Variants in LRRTM3 observed in about 807,000 individuals in gnomAD.
The protein encoded by LRRTM3 is leucine-rich repeat transmembrane neuronal protein 3.
LRRTM3 carries 24 observed loss-of-function variants against 44.7 expected under a neutral mutation model. That is an observed-to-expected ratio of 0.54 (90% CI 0.39 to 0.76). LRRTM3 has a LOEUF of 0.76. Among genes scored for constraint, LRRTM3 ranks in the 30% least tolerant of loss-of-function variants. LRRTM3 has a pLI of 0.00. For missense variants in LRRTM3, 587 were observed against 702.2 expected, an observed-to-expected ratio of 0.84 and a Z score of 1.85; for synonymous variants, 277 against 278.7, an observed-to-expected ratio of 0.99 and a Z score of 0.06.
rs376385607 is a variant in LRRTM3, at chr10:67,044,628, T to C, written c.1537-52959T>C. ...GTCTTATTCTGATTGACACAGCTCA[T>C]GTTATATTAAGTTTGTGAAATGAAT... is the stretch of plus-strand genomic sequence containing the variant. On this transcript the variant is annotated intron_variant, in intron 2 of 2. Coordinates refer to ENST00000361320, the MANE Select transcript of LRRTM3 (RefSeq NM_178011.5). 5.9e-5 allele frequency among the ~76,000 whole-genome samples: 9 copies of C among 152,352 alleles called. No homozygotes were observed. The East Asian group carries it at 1.4e-3, about 23-fold the overall frequency.
At chr10:67,082,122 T>C (rs1453089068) in intron 2 of LRRTM3, among the ~76,000 whole-genome samples, 1 of 152,226 alleles carries the variant, frequency 6.6e-6, no homozygotes, top group East Asian at 1.9e-4. Flanking sequence ...TTCAATGCTA[T>C]AGAGAGGATT....
intron 2 of LRRTM3, among the ~76,000 whole-genome samples, chr10:66,944,962 C>A (rs1249292974): frequency 6.6e-6 from 1 of 152,132 alleles, no homozygotes; most frequent in Admixed American, 6.6e-5. Context: ...CATGTGCTAT[C>A]ATACAGGCTT....
At position 66,927,983 on chromosome 10, in the gene LRRTM3, A is replaced by G; in HGVS notation, c.1067A>G (p.Lys356Arg). ...GGAGTAAATGTGATCGATGCAGTGA[A>G]GAACTACAGCATCTGTGGCAAAAGT... The part of the protein sequence containing the change: ...LQGVNVIDAV[K>R]NYSICGKSTT... The change falls in exon 2 of 3, where the codon AAG becomes AGG. Residue 356 changes from lysine (K) to arginine (R), a missense_variant. By Grantham distance (26) the Lys-to-Arg change is conservative. Coordinates refer to ENST00000361320, the MANE Select transcript of LRRTM3 (RefSeq NM_178011.5). This position sits in a 1 kb window ranked among gnomAD's most constrained non-coding sequence, Gnocchi z 4.7. 6.2e-7 allele frequency: 1 copy of G among 1,614,224 alleles called. No individual in the cohort carries two copies. The highest frequency in any genetic ancestry group is 1.3e-5 in the African/African-American group (1 of 75,062).
At chr10:67,018,967 G>T (rs1244943499) in intron 2 of LRRTM3, among the ~76,000 whole-genome samples, 1 of 152,178 alleles carries the variant, frequency 6.6e-6, no homozygotes, top group Non-Finnish European at 1.5e-5. Flanking sequence ...GTATCAGTTT[G>T]TTAACTAGTG....
intron 2 of LRRTM3, among the ~76,000 whole-genome samples, chr10:66,983,095 A>T (rs1295282178): frequency 6.6e-6 from 1 of 152,216 alleles, no homozygotes; most frequent in Non-Finnish European, 1.5e-5. Flanking sequence ...ATCAATTACA[A>T]TGTGCTATAT....
chr10:66,978,952 C>T (rs191565026), intron 2 of LRRTM3, among the ~76,000 whole-genome samples: 2 of 141,094 alleles, frequency 1.4e-5, no homozygotes, highest in African/African-American at 2.6e-5. Context: ...TCCTCACATA[C>T]TTATTTCCTT....
At chr10:67,003,964 T>A (rs923944481) in intron 2 of LRRTM3, among the ~76,000 whole-genome samples, 1 of 152,260 alleles carries the variant, frequency 6.6e-6, no homozygotes, top group African/African-American at 2.4e-5. Flanking sequence ...GGTCTGGAAT[T>A]TCTGTACTCA....
intron 2 of LRRTM3, among the ~76,000 whole-genome samples, chr10:67,020,457 T>C (rs923289012): frequency 6.6e-5 from 10 of 152,190 alleles, no homozygotes; most frequent in Non-Finnish European, 1.5e-4. Context: ...AGTTAAGCTA[T>C]GTAGGATTCA....
intron 2 of LRRTM3, among the ~76,000 whole-genome samples, chr10:66,999,903 AG>A (rs1207064442): frequency 1.3e-5 from 2 of 152,188 alleles, no homozygotes; most frequent in Non-Finnish European, 2.9e-5. Flanking sequence ...AAGTCATTGA[AG>A]GTCATCTGAT....
chr10:66,954,246 G>A (rs1848680783), intron 2 of LRRTM3, among the ~76,000 whole-genome samples: 1 of 152,066 alleles, frequency 6.6e-6, no homozygotes, highest in Non-Finnish European at 1.5e-5. Flanking sequence ...TAACCATATA[G>A]TATTTGACAG....
At chr10:66,942,385 T>C (rs1848043084) in intron 2 of LRRTM3, among the ~76,000 whole-genome samples, 1 of 152,222 alleles carries the variant, frequency 6.6e-6, no homozygotes, top group East Asian at 1.9e-4. Context: ...CTTGCTCTAT[T>C]AAGTATTCTT....
chr10:66,947,645 C>A (rs1374494234), intron 2 of LRRTM3, among the ~76,000 whole-genome samples: 1 of 152,078 alleles, frequency 6.6e-6, no homozygotes, highest in African/African-American at 2.4e-5. Context: ...TTTTCCCTAC[C>A]TTTCTCACCC....
At position 67,097,784 on chromosome 10, in the gene LRRTM3, G is replaced by T. The variant is rs200611303; in HGVS notation, c.1734G>T (p.Gln578His). Residue 578 changes from glutamine to histidine, a missense_variant, in exon 3 of 3, where the codon CAG (glutamine) becomes CAT (histidine). Physicochemically the swap from Gln to His is conservative, Grantham distance 24. Coordinates refer to ENST00000361320, the MANE Select transcript of LRRTM3 (RefSeq NM_178011.5). Reference protein sequence around the residue: ...TTAGRISDHKQQLA With the variant: ...TTAGRISDHKHQLA ...CTGGCCGAATCAGTGACCATAAACA[G>T]CAGCTAGCTTAACTGAGATCATTGG... The T allele has an allele frequency of 6.2e-6, 10 of 1,612,268 alleles. No homozygotes were observed. Among genetic ancestry groups the T allele is most frequent in the Non-Finnish European group, 8.5e-6 (10 of 1,178,828 alleles).
At chr10:67,002,868 T>C (rs1241384143) in intron 2 of LRRTM3, among the ~76,000 whole-genome samples, 1 of 152,140 alleles carries the variant, frequency 6.6e-6, no homozygotes, top group African/African-American at 2.4e-5. Flanking sequence ...TTTAATAAAC[T>C]AGACTAGGAA....
chr10:66,947,013 C>T (rs2132704684), intron 2 of LRRTM3, among the ~76,000 whole-genome samples: 1 of 152,216 alleles, frequency 6.6e-6, no homozygotes. Flanking sequence ...CTGAGGTAAT[C>T]ATCTTTTTAA....
At chr10:67,066,820 G>A (rs1303316100) in intron 2 of LRRTM3, among the ~76,000 whole-genome samples, 1 of 152,156 alleles carries the variant, frequency 6.6e-6, no homozygotes, top group Admixed American at 6.5e-5. Context: ...CCATCTAGCA[G>A]AAGGAAATGT....
Position 66,926,468 on chromosome 10 carries a change from C to A in LRRTM3, c.-116C>A. 4.9e-6 allele frequency: 6 copies of A among 1,220,714 alleles called. No homozygotes were observed. Among genetic ancestry groups the A allele is most frequent in the Non-Finnish European group, 7.1e-6 (6 of 846,430 alleles). 75.6% of individuals were successfully genotyped at this position (1,220,714 alleles called of 1,614,324 possible). On this transcript the variant is annotated 5_prime_UTR_variant, in exon 1 of 3. Transcript: ENST00000361320. ...CCATCTCCCAAGGGGTCCAATTTTT[C>A]TTCCTGGGTGTCAGCGAGCCCTGAC...
chr10:66,950,012 T>A lies in LRRTM3; in HGVS notation c.1536+21560T>A, dbSNP rs561558451. On this transcript the variant is annotated intron_variant, in intron 2 of 2. Transcript: ENST00000361320. ...TTAACACAATCTGGGCTCAACCTAG[T>A]CTTTCTGTTTCTCTATGCAATTACT... 2.6e-5 allele frequency among the ~76,000 whole-genome samples: 4 copies of A among 152,294 alleles called. No individual in the cohort carries two copies. In the South Asian group the frequency reaches 8.3e-4, roughly 32 times the overall value.
intron 2 of LRRTM3, among the ~76,000 whole-genome samples, chr10:67,024,416 A>G (rs1390708778): frequency 6.6e-6 from 1 of 152,184 alleles, no homozygotes; most frequent in Non-Finnish European, 1.5e-5. Flanking sequence ...CCCTATCTCA[A>G]AATCCTTAAT....
Sources: gnomAD v4.1 joint callset for allele counts (sites outside exome capture counted in the v4.1 genomes callset) on GRCh38, gnomAD v4.1.1 for gene constraint, Gnocchi (gnomAD v3.1) non-coding constraint, MANE v1.5 for transcripts, NCBI Gene and HGNC (gene_info 2026-07-23, HGNC 2026-07-21) for gene names.